TENM3: variants seen among roughly 807,000 people sequenced by gnomAD.
TENM3 encodes teneurin transmembrane protein 3.
In TENM3, 63 loss-of-function variants were observed where a neutral mutation model predicts 255.1. The ratio of observed to expected loss-of-function variants is 0.25; its 90% CI spans 0.20 to 0.30. The LOEUF is 0.30. Ranked by LOEUF, TENM3 falls within the 10% of genes least tolerant of loss-of-function variation. The probability of loss-of-function intolerance (pLI) is 1.00; values close to 1 mark genes in which losing one functional copy is unlikely to be tolerated. For missense variants in TENM3, 2,929 were observed against 3,461.1 expected, an observed-to-expected ratio of 0.85 and a Z score of 3.86; for synonymous variants, 1,306 against 1,322.3, an observed-to-expected ratio of 0.99 and a Z score of 0.27.
intron 3 of TENM3, among the ~76,000 whole-genome samples, chr4:182,348,930 G>T (rs539156827): frequency 3.4e-4 from 51 of 152,170 alleles, no homozygotes; most frequent in Middle Eastern, 3.2e-3. Flanking sequence ...TTAACTAGAG[G>T]AGGAAATTGT....
chr4:182,007,940 A>G, the TENM3 span, among the ~76,000 whole-genome samples: 1 of 152,112 alleles, frequency 6.6e-6, no homozygotes, highest in African/African-American at 2.4e-5. Flanking sequence ...ATCCCCCAGC[A>G]TTTGCCTGTC....
intron 3 of TENM3, among the ~76,000 whole-genome samples, chr4:182,406,528 G>A (rs901290301): frequency 6.6e-6 from 1 of 152,146 alleles, no homozygotes; most frequent in Non-Finnish European, 1.5e-5. Flanking sequence ...TGGAACACCT[G>A]CCAGAAATAA....
the TENM3 span, among the ~76,000 whole-genome samples, chr4:181,449,200 G>T: frequency 6.6e-6 from 1 of 152,250 alleles, no homozygotes; most frequent in East Asian, 1.9e-4. Flanking sequence ...ATACCTTAAT[G>T]AAATTAAGAG....
intron 3 of TENM3, among the ~76,000 whole-genome samples, chr4:182,580,668 G>A (rs1745399141): frequency 6.6e-6 from 1 of 152,172 alleles, no homozygotes; most frequent in Non-Finnish European, 1.5e-5. Flanking sequence ...AAGCATGAAG[G>A]AAGGCATGGC....
chr4:181,905,850 G>A, the TENM3 span: 1 of 439,582 alleles, frequency 2.3e-6, no homozygotes, highest in Non-Finnish European at 4.3e-6. Context: ...GGATTTCTTT[G>A]AGATATCATC....
the TENM3 span, among the ~76,000 whole-genome samples, chr4:181,903,586 T>A: frequency 6.6e-6 from 1 of 152,234 alleles, no homozygotes; most frequent in Non-Finnish European, 1.5e-5. Flanking sequence ...TGTGTGACTT[T>A]GGGTAATTAA....
the TENM3 span, among the ~76,000 whole-genome samples, chr4:181,853,933 G>A: frequency 2.0e-5 from 3 of 152,138 alleles, no homozygotes; most frequent in African/African-American, 7.2e-5. Context: ...AGATTTTGTT[G>A]AAAGAATCTT....
the TENM3 span, among the ~76,000 whole-genome samples, chr4:181,671,081 G>T: frequency 0.055 from 8,340 of 152,162 alleles, 379 homozygotes; most frequent in African/African-American, 0.12. Context: ...ACATGGATAG[G>T]TAATGTTCCC....
chr4:182,406,595 G>C (rs1049806091), intron 3 of TENM3, among the ~76,000 whole-genome samples: 1 of 152,198 alleles, frequency 6.6e-6, no homozygotes, highest in African/African-American at 2.4e-5. Flanking sequence ...GTTTGGCTTT[G>C]TGCTTGTCAA....
chr4:182,519,872 A>C (rs541682617), intron 3 of TENM3, among the ~76,000 whole-genome samples: 1 of 152,120 alleles, frequency 6.6e-6, no homozygotes, highest in Non-Finnish European at 1.5e-5. Context: ...ATGTTTATAC[A>C]GTTGTTGTAT....
At chr4:181,490,879 A>AT in the TENM3 span, among the ~76,000 whole-genome samples, 7 of 152,066 alleles carry the variant, frequency 4.6e-5, no homozygotes, top group Non-Finnish European at 1.0e-4. Flanking sequence ...CTGTCTTCAG[A>AT]TTTTTCAAGT....
At chr4:182,132,890 T>G in the TENM3 span, among the ~76,000 whole-genome samples, 1 of 152,240 alleles carries the variant, frequency 6.6e-6, no homozygotes, top group Non-Finnish European at 1.5e-5. Flanking sequence ...AATTACTTAC[T>G]TTTCAATGTA....
intron 5 of TENM3, among the ~76,000 whole-genome samples, chr4:182,651,145 C>A (rs1036737896): frequency 6.6e-6 from 1 of 151,878 alleles, no homozygotes; most frequent in Non-Finnish European, 1.5e-5. Context: ...AACTTTGACC[C>A]TCTTGGAATA....
chr4:181,467,120 T>TACAC, the TENM3 span, among the ~76,000 whole-genome samples: 2 of 57,050 alleles, frequency 3.5e-5, no homozygotes, highest in African/African-American at 1.2e-4. Flanking sequence ...TATATATATA[T>TACAC]ATATATTTTT....
the TENM3 span, among the ~76,000 whole-genome samples, chr4:181,538,277 A>C: frequency 6.6e-6 from 1 of 152,338 alleles, no homozygotes; most frequent in East Asian, 1.9e-4. Context: ...TGTAGCAAGC[A>C]TGGCCAGAAT....
chr4:181,779,112 G>C, the TENM3 span, among the ~76,000 whole-genome samples: 1 of 151,996 alleles, frequency 6.6e-6, no homozygotes, highest in Non-Finnish European at 1.5e-5. Context: ...CTGGTGATGG[G>C]CCATCTGGGG....
At chr4:181,497,819 C>G in the TENM3 span, among the ~76,000 whole-genome samples, 1 of 152,092 alleles carries the variant, frequency 6.6e-6, no homozygotes, top group African/African-American at 2.4e-5. Context: ...TGTTGCTAAC[C>G]AAGAATAAGT....
chr4:182,585,612 T>C (rs930288337), intron 3 of TENM3, among the ~76,000 whole-genome samples: 8 of 152,232 alleles, frequency 5.3e-5, no homozygotes, highest in Admixed American at 6.5e-5. Context: ...CAGACCTTGA[T>C]CTGTGACTTC....
intron 12 of TENM3, among the ~76,000 whole-genome samples, chr4:182,707,506 C>G (rs1456321986): frequency 6.6e-6 from 1 of 151,776 alleles, no homozygotes; most frequent in Non-Finnish European, 1.5e-5. Flanking sequence ...GGAAATATGG[C>G]AATTAGGGGC....
Sources: allele counts gnomAD v4.1 joint callset (sites outside exome capture counted in the v4.1 genomes callset), GRCh38; gene constraint gnomAD v4.1.1; transcripts MANE v1.5; gene names NCBI Gene and HGNC (gene_info 2026-07-23, HGNC 2026-07-21).